NBEA: variants seen among roughly 807,000 people sequenced by gnomAD.
The protein encoded by NBEA is lysosomal-trafficking regulator 2.
A neutral mutation model predicts 343.4 loss-of-function variants in NBEA; 44 were observed. That is an observed-to-expected ratio of 0.13 (90% CI 0.10 to 0.16). The LOEUF is 0.16. Ranked by LOEUF, NBEA falls within the 10% of genes least tolerant of loss-of-function variation. NBEA has a pLI of 1.00. For missense variants in NBEA, 2,555 were observed against 3,631.3 expected (o/e 0.70, Z 7.62); for synonymous variants, 1,175 against 1,238.7 (o/e 0.95, Z 1.08).
chr13:35,423,580 G>A (rs1303378673), intron 38 of NBEA, among the ~76,000 whole-genome samples: 1 of 152,160 alleles, frequency 6.6e-6, no homozygotes, highest in Non-Finnish European at 1.5e-5. Context: ...AAGTCAGGTA[G>A]CGTGATGCCT....
chr13:35,046,331 C>G (rs1225046701), intron 4 of NBEA, among the ~76,000 whole-genome samples: 1 of 152,042 alleles, frequency 6.6e-6, no homozygotes, highest in Non-Finnish European at 1.5e-5. Flanking sequence ...TGGTAACTGC[C>G]TGTTTACTTT....
At chr13:35,064,673 A>T (rs1315083600) in intron 8 of NBEA, among the ~76,000 whole-genome samples, 1 of 151,752 alleles carries the variant, frequency 6.6e-6, no homozygotes, top group African/African-American at 2.4e-5. Context: ...GTCTTTAAAG[A>T]GGTAATTAAG....
At chr13:35,534,143 T>G (rs1238755370) in intron 41 of NBEA, among the ~76,000 whole-genome samples, 2 of 152,058 alleles carry the variant, frequency 1.3e-5, no homozygotes, top group Admixed American at 1.3e-4. Context: ...GGACTGAACT[T>G]CTTTTCTTTT....
chr13:35,335,875 GC>G (rs1356369639), intron 36 of NBEA, among the ~76,000 whole-genome samples: 2 of 152,014 alleles, frequency 1.3e-5, no homozygotes, highest in African/African-American at 2.4e-5. Flanking sequence ...CATGCCGGGG[GC>G]TACATGCATC....
At chr13:35,403,462 C>G (rs2043095210) in intron 38 of NBEA, among the ~76,000 whole-genome samples, 1 of 152,144 alleles carries the variant, frequency 6.6e-6, no homozygotes, top group South Asian at 2.1e-4. Flanking sequence ...ATGTCTACAA[C>G]TATCTGATCT....
At chr13:35,261,686 G>C (rs758727134) in intron 34 of NBEA, among the ~76,000 whole-genome samples, 25 of 152,036 alleles carry the variant, frequency 1.6e-4, no homozygotes, top group Non-Finnish European at 2.9e-4. Flanking sequence ...CGGAGATGTA[G>C]AATAGTATGT....
chr13:35,090,225 G>T (rs971037571), intron 10 of NBEA, among the ~76,000 whole-genome samples: 2 of 151,754 alleles, frequency 1.3e-5, no homozygotes, highest in Non-Finnish European at 2.9e-5. Flanking sequence ...TAAGGTATTG[G>T]GTTTCACCAT....
chr13:35,341,827 A>G (rs1566640882), intron 36 of NBEA, among the ~76,000 whole-genome samples: 1 of 152,086 alleles, frequency 6.6e-6, no homozygotes, highest in Non-Finnish European at 1.5e-5. Flanking sequence ...CTGTTACTCG[A>G]CAAGTTAAAC....
intron 36 of NBEA, among the ~76,000 whole-genome samples, chr13:35,315,439 G>A (rs2037651941): frequency 6.6e-6 from 1 of 152,070 alleles, no homozygotes; most frequent in Admixed American, 6.6e-5. Flanking sequence ...ATGTAAAATT[G>A]CCTGTAATAT....
At chr13:35,483,579 G>A (rs550295046) in intron 41 of NBEA, among the ~76,000 whole-genome samples, 1 of 151,852 alleles carries the variant, frequency 6.6e-6, no homozygotes, top group Admixed American at 6.6e-5. Flanking sequence ...TTAAATTATA[G>A]GAGTGAAGAC....
chr13:35,401,726 G>GTCAT (rs2043010614), intron 38 of NBEA, among the ~76,000 whole-genome samples: 1 of 151,940 alleles, frequency 6.6e-6, no homozygotes, highest in South Asian at 2.1e-4. Flanking sequence ...GAAGGCAGAG[G>GTCAT]TCATTTATTA....
intron 10 of NBEA, among the ~76,000 whole-genome samples, chr13:35,091,183 A>C (rs537352126): frequency 9.1e-4 from 139 of 152,112 alleles, no homozygotes; most frequent in African/African-American, 3.3e-3. Flanking sequence ...AGGGTGGGAC[A>C]AACACCCTTT....
At chr13:35,375,316 G>A (rs561505201) in intron 38 of NBEA, among the ~76,000 whole-genome samples, 1 of 152,120 alleles carries the variant, frequency 6.6e-6, no homozygotes, top group Admixed American at 6.5e-5. Flanking sequence ...TTTTAGCCAC[G>A]CCGTCTCAAC....
intron 48 of NBEA, among the ~76,000 whole-genome samples, chr13:35,627,627 G>A (rs2083285481): frequency 6.6e-6 from 1 of 151,948 alleles, no homozygotes; most frequent in African/African-American, 2.4e-5. Flanking sequence ...GTAAGCTGGA[G>A]GACTTCAGGC....
At chr13:35,298,890 T>C (rs1166185684) in intron 35 of NBEA, among the ~76,000 whole-genome samples, 1 of 152,108 alleles carries the variant, frequency 6.6e-6, no homozygotes, top group African/African-American at 2.4e-5. Flanking sequence ...ATAATACTTT[T>C]AGTAAGATCT....
At chr13:35,540,121 T>C (rs1357868771) in intron 41 of NBEA, among the ~76,000 whole-genome samples, 2 of 151,942 alleles carry the variant, frequency 1.3e-5, no homozygotes, top group Admixed American at 6.6e-5. Context: ...TGAAATACTT[T>C]TAAAAAGAGA....
intron 49 of NBEA, among the ~76,000 whole-genome samples, chr13:35,644,479 T>G (rs2153075480): frequency 6.6e-6 from 1 of 152,296 alleles, no homozygotes; most frequent in African/African-American, 2.4e-5. Flanking sequence ...GTTGACTAAT[T>G]CCTTCAATAA....
chr13:35,515,761 T>A (rs1340883991), intron 41 of NBEA, among the ~76,000 whole-genome samples: 13 of 124,114 alleles, frequency 1.0e-4, no homozygotes, highest in Admixed American at 3.4e-4. Flanking sequence ...TTTTTTTTTT[T>A]AAATTTAAAT....
chr13:35,273,189 A>T (rs2034304628), intron 34 of NBEA, among the ~76,000 whole-genome samples: 1 of 152,206 alleles, frequency 6.6e-6, no homozygotes, highest in African/African-American at 2.4e-5. Flanking sequence ...AGAATTCAGG[A>T]TTAAGAAACT....
Sources: allele counts gnomAD v4.1 joint callset (sites outside exome capture counted in the v4.1 genomes callset), GRCh38; gene constraint gnomAD v4.1.1; transcripts MANE v1.5; gene names NCBI Gene and HGNC (gene_info 2026-07-23, HGNC 2026-07-21).